MYRIP: variants seen among roughly 807,000 people sequenced by gnomAD.
MYRIP encodes the protein myosin VIIA and Rab interacting protein.
Under a neutral mutation model 98.0 loss-of-function variants are expected in MYRIP, and 49 were observed. That is an observed-to-expected ratio of 0.50 (90% confidence interval 0.40 to 0.63). The LOEUF is 0.63. MYRIP is among the 30% of genes least tolerant of loss of function. The pLI is 0.00. For synonymous variants in MYRIP, 404 were observed against 409.5 expected (o/e 0.99, Z 0.16); for missense variants, 1,004 against 1,058.2 (o/e 0.95, Z 0.71).
intron 1 of MYRIP, among the ~76,000 whole-genome samples, chr3:39,894,759 T>A (rs577396302): frequency 5.3e-5 from 8 of 152,346 alleles, no homozygotes; most frequent in Admixed American, 1.3e-4. Context: ...TTTTCTGTAA[T>A]AGACAACACT....
intron 11 of MYRIP, among the ~76,000 whole-genome samples, chr3:40,219,569 G>A (rs1158803194): frequency 1.3e-5 from 2 of 152,004 alleles, no homozygotes; most frequent in African/African-American, 2.4e-5. Context: ...CCACCTATGA[G>A]TGAGAACATG....
At chr3:40,178,487 A>T (rs977515370) in intron 8 of MYRIP, among the ~76,000 whole-genome samples, 5 of 152,056 alleles carry the variant, frequency 3.3e-5, no homozygotes, top group African/African-American at 1.2e-4. Flanking sequence ...ATCGAATTGG[A>T]ATCAGTCAGA....
chr3:39,845,924 G>A (rs1011008505), intron 1 of MYRIP, among the ~76,000 whole-genome samples: 2 of 150,498 alleles, frequency 1.3e-5, no homozygotes, highest in Non-Finnish European at 2.9e-5. Flanking sequence ...AAAACACTTA[G>A]ATCAAATTTC....
intron 3 of MYRIP, among the ~76,000 whole-genome samples, chr3:40,091,047 G>C (rs556340775): frequency 6.6e-6 from 1 of 152,310 alleles, no homozygotes; most frequent in Non-Finnish European, 1.5e-5. Flanking sequence ...GCAGCCCTCA[G>C]CAGGAAGCAG....
intron 1 of MYRIP, among the ~76,000 whole-genome samples, chr3:39,868,933 C>T (rs1161838476): frequency 6.6e-6 from 1 of 152,174 alleles, no homozygotes; most frequent in Non-Finnish European, 1.5e-5. Flanking sequence ...TTGAGGATCA[C>T]TTGTATGTGA....
At chr3:39,980,476 A>G (rs1945863118) in intron 2 of MYRIP, among the ~76,000 whole-genome samples, 1 of 152,200 alleles carries the variant, frequency 6.6e-6, no homozygotes, top group African/African-American at 2.4e-5. Flanking sequence ...ATCAGCATCC[A>G]CTACAGATGC....
intron 10 of MYRIP, among the ~76,000 whole-genome samples, chr3:40,193,689 G>T (rs76169208): frequency 0.01 from 1,597 of 152,212 alleles, 13 homozygotes; most frequent in Non-Finnish European, 0.015. Flanking sequence ...AACAGTGTGT[G>T]AGTATGTTCT....
chr3:39,955,456 C>A (rs577701476), intron 2 of MYRIP, among the ~76,000 whole-genome samples: 136 of 152,176 alleles, frequency 8.9e-4, no homozygotes, highest in Non-Finnish European at 1.5e-3. Flanking sequence ...GAAATAAAAT[C>A]CTTTACAGAC....
intron 2 of MYRIP, among the ~76,000 whole-genome samples, chr3:39,993,165 G>A (rs1445182522): frequency 6.6e-6 from 1 of 152,098 alleles, no homozygotes; most frequent in Admixed American, 6.5e-5. Context: ...GCAAAAGAAA[G>A]GCAAGAAAGA....
At chr3:39,940,575 T>C (rs1406894683) in intron 2 of MYRIP, among the ~76,000 whole-genome samples, 1 of 152,156 alleles carries the variant, frequency 6.6e-6, no homozygotes, top group Non-Finnish European at 1.5e-5. Flanking sequence ...TTTATGGATT[T>C]AATAGCTTCT....
At chr3:39,876,249 T>A (rs1274646631) in intron 1 of MYRIP, among the ~76,000 whole-genome samples, 2 of 152,210 alleles carry the variant, frequency 1.3e-5, no homozygotes, top group African/African-American at 4.8e-5. Context: ...CCACGTGAGA[T>A]GGGTTTCCTG....
intron 1 of MYRIP, among the ~76,000 whole-genome samples, chr3:39,870,022 G>A (rs1241157285): frequency 6.6e-6 from 1 of 152,164 alleles, no homozygotes; most frequent in African/African-American, 2.4e-5. Flanking sequence ...GAAATGCCAA[G>A]GAGAGAGGCC....
intron 3 of MYRIP, among the ~76,000 whole-genome samples, chr3:40,143,913 C>G (rs1371266905): frequency 6.6e-6 from 1 of 152,144 alleles, no homozygotes; most frequent in Non-Finnish European, 1.5e-5. Context: ...AGGCTGGTGC[C>G]CTGATTCTAC....
chr3:40,132,388 G>A (rs891093983), intron 3 of MYRIP, among the ~76,000 whole-genome samples: 1 of 151,014 alleles, frequency 6.6e-6, no homozygotes, highest in African/African-American at 2.4e-5. Flanking sequence ...GCCTGTAGCT[G>A]TGAAACAAAA....
Position 40,165,490 on chromosome 3 carries a change from A to G in MYRIP, c.551-1356A>G, listed in dbSNP as rs535026848. Among the ~76,000 whole-genome samples, 4 of 152,314 alleles carry G rather than the reference A, an allele frequency of 2.6e-5. No individual in the cohort carries two copies. The South Asian group carries it at 8.3e-4, about 32-fold the overall frequency. The stretch of plus-strand genomic sequence containing the variant: ...GAGATTTGCATGTGTTAAATAATAT[A>G]TGAGTAGGAGATTATAAATGGAAAC... On this transcript the variant is annotated intron_variant, in intron 5 of 16. Coordinates refer to ENST00000302541, the MANE Select transcript of MYRIP (RefSeq NM_015460.4).
At chr3:40,008,048 C>T (rs895624533) in intron 2 of MYRIP, among the ~76,000 whole-genome samples, 1 of 152,208 alleles carries the variant, frequency 6.6e-6, no homozygotes, top group Non-Finnish European at 1.5e-5. Flanking sequence ...TCTAAAAATG[C>T]CTTTGCAGAC....
At chr3:40,071,784 A>T (rs1948237104) in intron 3 of MYRIP, among the ~76,000 whole-genome samples, 1 of 152,166 alleles carries the variant, frequency 6.6e-6, no homozygotes, top group Admixed American at 6.5e-5. Context: ...CATATAAAAG[A>T]GTTGTCTCAG....
chr3:40,099,269 T>C (rs1948894027), intron 3 of MYRIP, among the ~76,000 whole-genome samples: 1 of 152,200 alleles, frequency 6.6e-6, no homozygotes, highest in Admixed American at 6.5e-5. Context: ...ATTTATGTGG[T>C]CTGAGAAAAA....
At chr3:40,180,478 A>G (rs1277767446) in intron 8 of MYRIP, among the ~76,000 whole-genome samples, 1 of 152,214 alleles carries the variant, frequency 6.6e-6, no homozygotes, top group African/African-American at 2.4e-5. Context: ...GCAGTAAAAC[A>G]TAAGTACAGA....
Sources: allele counts gnomAD v4.1 joint callset (sites outside exome capture counted in the v4.1 genomes callset), GRCh38; gene constraint gnomAD v4.1.1; transcripts MANE v1.5; gene names NCBI Gene and HGNC (gene_info 2026-07-23, HGNC 2026-07-21).